The following CACNB2 variants were observed in gnomAD, a reference collection of about 807,000 sequenced individuals.
CACNB2 encodes voltage-dependent L-type calcium channel subunit beta-2.
In CACNB2, 42 loss-of-function variants were observed where a neutral mutation model predicts 73.3. That is an observed-to-expected ratio of 0.57 (90% CI 0.45 to 0.74). The LOEUF is 0.74. Ranked by LOEUF, CACNB2 falls within the 30% of genes least tolerant of loss-of-function variation. The pLI, the probability that CACNB2 is intolerant of heterozygous loss-of-function variation, is 0.00. For synonymous variants in CACNB2, 348 were observed against 310.3 expected, an observed-to-expected ratio of 1.12 and a Z score of -1.28; for missense variants, 940 against 853.0, an observed-to-expected ratio of 1.10 and a Z score of -1.27.
chr10:18,382,528 C>T (rs2043062183), intron 2 of CACNB2, among the ~76,000 whole-genome samples: 1 of 152,008 alleles, frequency 6.6e-6, no homozygotes, highest in South Asian at 2.1e-4. Context: ...TTTCCTAATC[C>T]TCTCCTTCTC....
intron 2 of CACNB2, among the ~76,000 whole-genome samples, chr10:18,281,979 C>CAAA (rs10542258): frequency 1.1e-4 from 8 of 69,928 alleles, no homozygotes; most frequent in Admixed American, 1.9e-4. Flanking sequence ...GACTCCATCT[C>CAAA]AAAAAAAAAA....
At chr10:18,196,566 C>T (rs1588675206) in intron 2 of CACNB2, among the ~76,000 whole-genome samples, 3 of 152,164 alleles carry the variant, frequency 2.0e-5, no homozygotes, top group South Asian at 4.1e-4. Context: ...GATCTGTCCA[C>T]CTCAACCTCC....
chr10:18,345,594 C>T lies in CACNB2; in HGVS notation c.214-56330C>T, dbSNP rs115393787. Reference sequence around the variant, plus strand: ...TTTCTTTCCTATTAAACACACTCCGCTCCCTAAAACAAAACAAAAACAATC... The same window carrying T: ...TTTCTTTCCTATTAAACACACTCCGTTCCCTAAAACAAAACAAAAACAATC... On this transcript the variant is annotated intron_variant, in intron 2 of 13. Coordinates refer to ENST00000324631, the MANE Select transcript of CACNB2 (RefSeq NM_201596.3). 2.3e-3 allele frequency among the ~76,000 whole-genome samples: 345 copies of T among 152,282 alleles called. 3 individuals are homozygous for T. The highest frequency in any genetic ancestry group is 7.7e-3 in the African/African-American group (322 of 41,558).
intron 2 of CACNB2, among the ~76,000 whole-genome samples, chr10:18,161,800 G>A (rs548717235): frequency 2.0e-5 from 3 of 152,042 alleles, no homozygotes; most frequent in African/African-American, 7.2e-5. Context: ...ATGGTGGTGG[G>A]CACCTGTAAT....
chr10:18,369,962 A>C (rs1346207529), intron 2 of CACNB2, among the ~76,000 whole-genome samples: 2 of 152,226 alleles, frequency 1.3e-5, no homozygotes, highest in Admixed American at 1.3e-4. Context: ...AGAAAATAAT[A>C]AGTGAGCCCA....
At chr10:18,207,201 G>A (rs2035131351) in intron 2 of CACNB2, among the ~76,000 whole-genome samples, 1 of 152,048 alleles carries the variant, frequency 6.6e-6, no homozygotes, top group South Asian at 2.1e-4. Flanking sequence ...TAGAGACAGG[G>A]TTTCACCATG....
At chr10:18,441,971 G>T (rs959003390) in intron 3 of CACNB2, among the ~76,000 whole-genome samples, 9 of 152,238 alleles carry the variant, frequency 5.9e-5, no homozygotes, top group African/African-American at 2.2e-4. Flanking sequence ...TACAGTTAAG[G>T]TAATTAATGT....
At chr10:18,202,757 A>G (rs369055582) in intron 2 of CACNB2, among the ~76,000 whole-genome samples, 2 of 152,160 alleles carry the variant, frequency 1.3e-5, no homozygotes, top group Non-Finnish European at 2.9e-5. Context: ...GTGGCTGTGG[A>G]GTAAGATCCA....
At chr10:18,151,245 C>T (rs1025322283) in intron 2 of CACNB2, 11 of 357,644 alleles carry the variant, frequency 3.1e-5, no homozygotes, top group Non-Finnish European at 5.4e-5. Context: ...AGAACTCCAG[C>T]AGAAATGATT....
In CACNB2 at chr10:18,451,598, C is replaced by T. The variant is rs558335296; in HGVS notation, c.334-46757C>T. Among the ~76,000 whole-genome samples the T allele has an allele frequency of 2.0e-5, 3 of 152,284 alleles. No individual in the cohort carries two copies. The South Asian group carries it at 6.2e-4, about 32-fold the overall frequency. On this transcript the variant is annotated intron_variant, in intron 3 of 13. Transcript: ENST00000324631. ...TTCCGATAAACACATTTTTCCCCTG[C>T]AGAGGATGTTTGACCATTTTCTTTG... is the stretch of plus-strand genomic sequence containing the variant.
intron 2 of CACNB2, among the ~76,000 whole-genome samples, chr10:18,392,253 A>G (rs2043512881): frequency 6.6e-6 from 1 of 152,184 alleles, no homozygotes; most frequent in African/African-American, 2.4e-5. Context: ...AAGGAGACTT[A>G]GAAGGAACAG....
intron 2 of CACNB2, among the ~76,000 whole-genome samples, chr10:18,332,900 C>T (rs551333938): frequency 6.6e-6 from 1 of 151,998 alleles, no homozygotes; most frequent in Admixed American, 6.6e-5. Flanking sequence ...GAGACTTTAC[C>T]ATGTTAAATG....
chr10:18,198,491 C>T (rs900260440), intron 2 of CACNB2, among the ~76,000 whole-genome samples: 1 of 152,124 alleles, frequency 6.6e-6, no homozygotes, highest in African/African-American at 2.4e-5. Context: ...TGTTCCTTTC[C>T]ATGGTGTGTC....
At chr10:18,443,961 C>T (rs370786285) in intron 3 of CACNB2, among the ~76,000 whole-genome samples, 2 of 152,268 alleles carry the variant, frequency 1.3e-5, no homozygotes, top group South Asian at 2.1e-4. Context: ...GCAATCCGCC[C>T]GCCTTGGCCT....
At chr10:18,269,039 G>A (rs2037935303) in intron 2 of CACNB2, among the ~76,000 whole-genome samples, 1 of 152,104 alleles carries the variant, frequency 6.6e-6, no homozygotes, top group Non-Finnish European at 1.5e-5. Context: ...CTTAACTGTG[G>A]GTTAGGGTTA....
chr10:18,171,417 C>T (rs1026027298), intron 2 of CACNB2, among the ~76,000 whole-genome samples: 3 of 146,922 alleles, frequency 2.0e-5, no homozygotes, highest in Non-Finnish European at 4.5e-5. Flanking sequence ...GTGTCTCCCC[C>T]GCATGGGTAT....
chr10:18,204,112 G>A (rs1201671179), intron 2 of CACNB2, among the ~76,000 whole-genome samples: 1 of 152,196 alleles, frequency 6.6e-6, no homozygotes, highest in South Asian at 2.1e-4. Flanking sequence ...GAGACCTACT[G>A]CAGACTTTTA....
intron 3 of CACNB2, among the ~76,000 whole-genome samples, chr10:18,475,901 C>A (rs762280070): frequency 6.6e-6 from 1 of 151,986 alleles, no homozygotes; most frequent in East Asian, 1.9e-4. Context: ...CAATACAGAC[C>A]CTGAGAGTGG....
intron 1 of CACNB2, 121 bp from the exon 2 acceptor site, chr10:18,150,762 A>G: frequency 3.2e-6 from 2 of 633,632 alleles, no homozygotes; most frequent in South Asian, 4.1e-5. Flanking sequence ...TGATGCTTAC[A>G]TGATGGCAAT....
Sources: allele counts gnomAD v4.1 joint callset (sites outside exome capture counted in the v4.1 genomes callset), GRCh38; gene constraint gnomAD v4.1.1; transcripts MANE v1.5; gene names NCBI Gene and HGNC (gene_info 2026-07-23, HGNC 2026-07-21).